The following LRRN2 variants were observed in gnomAD, a reference collection of about 807,000 sequenced individuals.
The protein encoded by LRRN2 is leucine-rich repeat neuronal protein 2.
Under a neutral mutation model 35.7 loss-of-function variants are expected in LRRN2, and 10 were observed. The observed-to-expected ratio is 0.28, with a 90% CI of 0.17 to 0.47. The LOEUF is 0.47. LRRN2 is among the 20% of genes least tolerant of loss of function. The pLI is 0.99. For synonymous variants in LRRN2, 391 were observed against 409.6 expected, an observed-to-expected ratio of 0.95 and a Z score of 0.55; for missense variants, 731 against 940.3, an observed-to-expected ratio of 0.78 and a Z score of 2.91.
chr1:204,650,876 G>A (rs1023516153), intron 1 of LRRN2, among the ~76,000 whole-genome samples: 1 of 152,166 alleles, frequency 6.6e-6, no homozygotes, highest in African/African-American at 2.4e-5. Context: ...GGCTCGGAAG[G>A]AATGACAGAC....
In LRRN2 at chr1:204,685,670, C is replaced by T. The variant is rs1669056410; in HGVS notation, c.-577G>A. 6.6e-6 allele frequency: 1 copy of T among 152,222 alleles called. No homozygotes were observed. The highest frequency in any genetic ancestry group is 1.5e-5 in the Non-Finnish European group (1 of 68,096). 9.4% of individuals were successfully genotyped at this position (152,222 alleles called of 1,614,324 possible). A position where few individuals can be genotyped will look rare whatever the true frequency, so the allele number is the denominator to read the frequency against. ...GCCCTCGCGGCGCCCGGCACCCCCT[C>T]CACGCGCGCCCCTCTTCCCGGCTTC... On this transcript the variant is annotated 5_prime_UTR_variant, in exon 1 of 2. Coordinates refer to ENST00000367177, the MANE Select transcript of LRRN2 (RefSeq NM_201630.2).
Position 204,619,208 on chromosome 1 carries a change from C to T in LRRN2, c.785G>A (p.Gly262Glu). 6.2e-7 allele frequency: 1 copy of T among 1,614,040 alleles called. No homozygotes were observed. Among genetic ancestry groups the T allele is most frequent in the Non-Finnish European group, 8.5e-7 (1 of 1,180,028 alleles). The change falls in exon 2 of 2, where the codon GGG becomes GAG. Residue 262 changes from glycine (G) to glutamate (E), a missense_variant. Physicochemically the swap from Gly to Glu is moderately conservative, Grantham distance 98 (BLOSUM62 -2). Coordinates refer to ENST00000367177, the MANE Select transcript of LRRN2 (RefSeq NM_201630.2). ...CTTGTTGAGGTCTAGGAACTTGAGCCCGGGCACCTGTTCCAGTGCCCGCCT... is the reference window on the plus strand; with the variant it reads ...CTTGTTGAGGTCTAGGAACTTGAGCTCGGGCACCTGTTCCAGTGCCCGCCT... ...VPRRALEQVP[G>E]LKFLDLNKNP...
At chr1:204,622,185 C>T (rs906427249) in intron 1 of LRRN2, 2 of 167,156 alleles carry the variant, frequency 1.2e-5, no homozygotes, top group Non-Finnish European at 2.9e-5. Flanking sequence ...AATGCTGCAG[C>T]TGCAGGCCCT....
chr1:204,670,272 G>A (rs375008368), intron 1 of LRRN2, among the ~76,000 whole-genome samples: 1 of 152,180 alleles, frequency 6.6e-6, no homozygotes, highest in Non-Finnish European at 1.5e-5. Context: ...AGAGCTGACA[G>A]TGACTCCCAG....
At chr1:204,637,475 C>T (rs1667862947) in intron 1 of LRRN2, among the ~76,000 whole-genome samples, 1 of 152,172 alleles carries the variant, frequency 6.6e-6, no homozygotes, top group Non-Finnish European at 1.5e-5. Flanking sequence ...CACAGGGCTG[C>T]CCTGAGTGCC....
chr1:204,635,548 G>A (rs900682999), intron 1 of LRRN2, among the ~76,000 whole-genome samples: 6 of 152,226 alleles, frequency 3.9e-5, no homozygotes, highest in Non-Finnish European at 8.8e-5. Context: ...GGCATGAAGG[G>A]AACAGGAAAC....
chr1:204,619,488 G>A lies in LRRN2; in HGVS notation c.505C>T (p.Arg169Trp), dbSNP rs765022835. ...AGGAGGTTGGAGTTGAGGTGCAGCC[G>A]CAGCAAGTTGCTGAGGCCAGAAAAG... is the stretch of plus-strand genomic sequence containing the variant. ...RAFSGLSNLL[R>W]LHLNSNLLRA... Residue 169 changes from arginine (R) to tryptophan (W), a missense_variant, in exon 2 of 2, where the codon CGG (arginine) becomes TGG (tryptophan). By Grantham distance (101) the Arg-to-Trp change is moderately radical (BLOSUM62 -3). Coordinates refer to ENST00000367177, the MANE Select transcript of LRRN2 (RefSeq NM_201630.2). 13 of 1,614,232 alleles carry A rather than the reference G, an allele frequency of 8.1e-6. No individual in the cohort carries two copies. The highest frequency in any genetic ancestry group is 4.5e-5 in the East Asian group (2 of 44,890).
chr1:204,646,808 T>C (rs1334493160), intron 1 of LRRN2, among the ~76,000 whole-genome samples: 1 of 152,272 alleles, frequency 6.6e-6, no homozygotes, highest in African/African-American at 2.4e-5. Context: ...GGGCTTGCAT[T>C]ATATTTCTAT....
chr1:204,618,040 G>A lies in LRRN2; in HGVS notation c.1953C>T (p.Gly651=). 6.2e-7 allele frequency: 1 copy of A among 1,612,972 alleles called. No homozygotes were observed. The highest frequency in any genetic ancestry group is 8.5e-7 in the Non-Finnish European group (1 of 1,179,472). Residue 651 remains glycine (G), a synonymous_variant, in exon 2 of 2, where the codon GGC becomes GGT. Transcript: ENST00000367177. ...LLAAGLAAHL[G]TGQPRKGVGG... ...CCACACCCTTCCTGGGTTGGCCTGT[G>A]CCAAGGTGGGCCGCTAGCCCAGCTG...
At position 204,657,339 on chromosome 1, in the gene LRRN2, T is replaced by TACACACACACACACAC. The variant is rs1285210348; in HGVS notation, c.-227+27980_-227+27981insGTGTGTGTGTGTGTGT. 1.1e-4 allele frequency among the ~76,000 whole-genome samples: 14 copies of TACACACACACACACAC among 124,292 alleles called. No individual in the cohort carries two copies. The South Asian group carries it at 1.3e-3, about 11-fold the overall frequency. 81.5% of individuals were successfully genotyped at this position (124,292 alleles called of 152,430 possible). A position where few individuals can be genotyped will look rare whatever the true frequency, so the allele number is the denominator to read the frequency against. On this transcript the variant is annotated intron_variant, in intron 1 of 1. Transcript: ENST00000367177. The stretch of plus-strand genomic sequence containing the variant: ...ATCTATGTGTCTATATATATGTATA[T>TACACACACACACACAC]ATACACACACACACACACACACACA...
At chr1:204,620,962 T>C (rs2102570220) in intron 1 of LRRN2, 1 of 166,102 alleles carries the variant, frequency 6.0e-6, no homozygotes, top group Non-Finnish European at 1.5e-5. Context: ...TTGGTGGAAA[T>C]AAGTACAGCT....
rs80158843 is a variant in LRRN2 at position 204,640,785 on chromosome 1, C to T, written c.-226-20567G>A. On this transcript the variant is annotated intron_variant, in intron 1 of 1. Coordinates refer to ENST00000367177, the MANE Select transcript of LRRN2 (RefSeq NM_201630.2). ...GGCCACTAGGTGACACCTTCAGAAGCCCCCAGATGGATGGTCATGTGTGTG... is the reference window on the plus strand; with the variant it reads ...GGCCACTAGGTGACACCTTCAGAAGTCCCCAGATGGATGGTCATGTGTGTG... Among the ~76,000 whole-genome samples the T allele has an allele frequency of 1.6e-3, 249 of 152,230 alleles. 4 individuals carry two copies. The highest frequency in any genetic ancestry group is 2.7e-3 in the Non-Finnish European group (183 of 68,016).
Position 204,631,590 on chromosome 1 carries a change from C to T in LRRN2, c.-226-11372G>A, listed in dbSNP as rs186703903. Among the ~76,000 whole-genome samples the T allele has an allele frequency of 4.4e-4, 67 of 151,486 alleles. No individual in the cohort carries two copies. In the East Asian group the frequency reaches 0.013, roughly 28 times the overall value. On this transcript the variant is annotated intron_variant, in intron 1 of 1. Transcript: ENST00000367177. ...TAGGGGAGACAGCATGATTCTACCT[C>T]ATGTAGGAAGTTAGACAAACATTCA...
At position 204,619,232 on chromosome 1, in the gene LRRN2, C is replaced by G. The variant is rs763377511; in HGVS notation, c.761G>C (p.Arg254Thr). The G allele has an allele frequency of 6.2e-6, 10 of 1,613,986 alleles. 1 individual carries two copies. Among genetic ancestry groups the G allele is most frequent in the South Asian group, 1.1e-5 (1 of 91,094 alleles). The change falls in exon 2 of 2, where the codon AGG becomes ACG. Residue 254 changes from arginine (R) to threonine (T), a missense_variant. By Grantham distance (71) the Arg-to-Thr change is moderately conservative. Around this residue, in one of 3 missense-constraint regions of LRRN2, gnomAD observed 256 missense variants for 392.4 expected, o/e 0.65. Transcript: ENST00000367177. ...CCCGGGCACCTGTTCCAGTGCCCGC[C>G]TGGGCACCCGGGCCAGCTGGTTGTC... is the stretch of plus-strand genomic sequence containing the variant. The part of the protein sequence containing the change: ...FYDNQLARVP[R>T]RALEQVPGLK...
chr1:204,673,569 T>C (rs971849270), intron 1 of LRRN2, among the ~76,000 whole-genome samples: 1 of 152,182 alleles, frequency 6.6e-6, no homozygotes, highest in Admixed American at 6.5e-5. Context: ...TCAGGCTGCT[T>C]CCCACAAACG....
At chr1:204,626,926 T>G (rs1300876385) in intron 1 of LRRN2, 1 of 151,812 alleles carries the variant, frequency 6.6e-6, no homozygotes, top group Non-Finnish European at 1.5e-5. Flanking sequence ...CACTGGGACA[T>G]GATACAAGGC....
At chr1:204,637,981 C>T (rs1667876457) in intron 1 of LRRN2, among the ~76,000 whole-genome samples, 1 of 152,204 alleles carries the variant, frequency 6.6e-6, no homozygotes, top group Non-Finnish European at 1.5e-5. Context: ...TGGGGGAGGA[C>T]AGAGGAGAAT....
At chr1:204,624,889 T>C (rs945871627) in intron 1 of LRRN2, among the ~76,000 whole-genome samples, 1 of 151,932 alleles carries the variant, frequency 6.6e-6, no homozygotes, top group African/African-American at 2.4e-5. Flanking sequence ...CATAATTGAG[T>C]GTAGCGTTGA....
At chr1:204,629,589 T>G (rs1667617985) in intron 1 of LRRN2, 2 of 168,642 alleles carry the variant, frequency 1.2e-5, no homozygotes, top group African/African-American at 4.8e-5. Context: ...TTTCTGCTTT[T>G]GCATCTTCCT....
Sources: allele counts gnomAD v4.1 joint callset (sites outside exome capture counted in the v4.1 genomes callset), GRCh38; gene constraint gnomAD v4.1.1; regional missense constraint gnomAD v4.1.1; transcripts MANE v1.5; gene names NCBI Gene and HGNC (gene_info 2026-07-23, HGNC 2026-07-21).